The following NTRK2 variants were observed in gnomAD, a reference collection of about 807,000 sequenced individuals.
The protein encoded by NTRK2 is neurotrophic receptor tyrosine kinase 2, also known as BDNF/NT-3 growth factors receptor.
In NTRK2, 13 loss-of-function variants were observed where a neutral mutation model predicts 94.5. The ratio of observed to expected loss-of-function variants is 0.14; its 90% CI spans 0.09 to 0.22. The LOEUF is 0.22. Ranked by LOEUF, NTRK2 falls within the 10% of genes least tolerant of loss-of-function variation. The probability of loss-of-function intolerance (pLI) is 1.00; values close to 1 mark genes in which losing one functional copy is unlikely to be tolerated. For missense variants in NTRK2, 639 were observed against 1,071.2 expected, an observed-to-expected ratio of 0.60 and a Z score of 5.63; for synonymous variants, 372 against 407.4, an observed-to-expected ratio of 0.91 and a Z score of 1.05.
Position 84,948,456 on chromosome 9 carries a change from C to A in NTRK2, c.1765-6C>A. On this transcript the variant is annotated splice_region_variant and splice_polypyrimidine_tract_variant and intron_variant, in intron 15 of 18. Transcript: ENST00000277120. ...GTAATCCTTCTCTTTTAACACCCAT[C>A]CCCAGACCCTGAAGGATGCCAGTGA... 6.2e-7 allele frequency: 1 copy of A among 1,614,038 alleles called. No homozygotes were observed. Among genetic ancestry groups the A allele is most frequent in the Non-Finnish European group, 8.5e-7 (1 of 1,179,930 alleles).
intron 17 of NTRK2, among the ~76,000 whole-genome samples, chr9:84,977,919 T>A (rs1827095519): frequency 6.6e-6 from 1 of 152,170 alleles, no homozygotes; most frequent in African/African-American, 2.4e-5. Context: ...ATTCAGTGGT[T>A]TTTAATGTTA....
At chr9:84,898,932 C>A (rs1292648029) in intron 14 of NTRK2, among the ~76,000 whole-genome samples, 1 of 152,092 alleles carries the variant, frequency 6.6e-6, no homozygotes, top group Non-Finnish European at 1.5e-5. Flanking sequence ...GAACTCCTGA[C>A]CTTAGGTGAT....
At chr9:84,763,813 C>T (rs771345676) in intron 12 of NTRK2, among the ~76,000 whole-genome samples, 1 of 151,826 alleles carries the variant, frequency 6.6e-6, no homozygotes, top group Non-Finnish European at 1.5e-5. Context: ...AAGATCAATT[C>T]AAAGTTCATG....
intron 15 of NTRK2, among the ~76,000 whole-genome samples, chr9:84,946,339 G>T (rs922000359): frequency 6.6e-6 from 1 of 152,138 alleles, no homozygotes; most frequent in Non-Finnish European, 1.5e-5. Context: ...TTTAGTTCTC[G>T]TGGCCTTCAT....
intron 17 of NTRK2, among the ~76,000 whole-genome samples, chr9:84,958,181 G>A (rs1041888935): frequency 6.6e-6 from 1 of 151,088 alleles, no homozygotes; most frequent in Non-Finnish European, 1.5e-5. Context: ...GGTGGCAATT[G>A]TACAACATTA....
chr9:84,972,265 G>A (rs1237374315), intron 17 of NTRK2, among the ~76,000 whole-genome samples: 2 of 152,172 alleles, frequency 1.3e-5, no homozygotes, highest in South Asian at 2.1e-4. Context: ...GATTTGGCAC[G>A]ATGTAAAGAG....
chr9:85,011,226 A>T (rs1220020243), intron 17 of NTRK2, among the ~76,000 whole-genome samples: 1 of 152,056 alleles, frequency 6.6e-6, no homozygotes, highest in East Asian at 1.9e-4. Flanking sequence ...TTGGGTCTTC[A>T]CTTGGGAATA....
At chr9:84,791,856 T>G (rs962788461) in intron 12 of NTRK2, among the ~76,000 whole-genome samples, 3 of 152,310 alleles carry the variant, frequency 2.0e-5, no homozygotes, top group Admixed American at 2.0e-4. Context: ...AGACTTTTTT[T>G]TAACAGACGA....
intron 12 of NTRK2, among the ~76,000 whole-genome samples, chr9:84,796,836 A>G (rs1009720517): frequency 1.3e-5 from 2 of 152,180 alleles, no homozygotes; most frequent in African/African-American, 2.4e-5. Flanking sequence ...GAATCTCATG[A>G]AAACAATTGA....
At chr9:84,995,114 T>C (rs1829581934) in intron 17 of NTRK2, among the ~76,000 whole-genome samples, 1 of 152,144 alleles carries the variant, frequency 6.6e-6, no homozygotes, top group African/African-American at 2.4e-5. Flanking sequence ...GAAAAGTAAA[T>C]GTTCTCCCCT....
At chr9:84,750,139 G>A (rs1406715960) in intron 11 of NTRK2, among the ~76,000 whole-genome samples, 4 of 152,092 alleles carry the variant, frequency 2.6e-5, no homozygotes, top group African/African-American at 9.7e-5. Flanking sequence ...CCTTTGTTTG[G>A]GGGGCTGTCT....
intron 14 of NTRK2, among the ~76,000 whole-genome samples, chr9:84,894,284 C>A (rs191848474): frequency 6.6e-6 from 1 of 152,108 alleles, no homozygotes. Flanking sequence ...GCATCTCACA[C>A]GTGTAGTTTA....
intron 17 of NTRK2, among the ~76,000 whole-genome samples, chr9:84,973,389 A>G (rs1387532672): frequency 3.9e-5 from 6 of 152,182 alleles, no homozygotes; most frequent in Admixed American, 6.5e-5. Flanking sequence ...AGTCTTCCCT[A>G]GTTTTTCATT....
chr9:84,842,704 G>T (rs1468199587), intron 12 of NTRK2, among the ~76,000 whole-genome samples: 1 of 152,172 alleles, frequency 6.6e-6, no homozygotes, highest in Non-Finnish European at 1.5e-5. Context: ...CTCATCCACA[G>T]TCTGGCACCA....
intron 12 of NTRK2, among the ~76,000 whole-genome samples, chr9:84,797,743 A>AATAAT (rs2069683381): frequency 9.5e-5 from 1 of 10,578 alleles, no homozygotes; most frequent in Non-Finnish European, 2.5e-4. Flanking sequence ...TATATACTAT[A>AATAAT]ATATATATTA....
At chr9:84,738,663 A>G (rs2063420364) in intron 9 of NTRK2, among the ~76,000 whole-genome samples, 1 of 152,210 alleles carries the variant, frequency 6.6e-6, no homozygotes, top group Non-Finnish European at 1.5e-5. Context: ...CACTTTTCAT[A>G]AACATTAGGT....
Position 84,842,536 on chromosome 9 carries a change from G to A in NTRK2, c.1397-18504G>A, listed in dbSNP as rs147672706. 2.8e-3 allele frequency among the ~76,000 whole-genome samples: 422 copies of A among 152,176 alleles called. 1 individual carries two copies. The highest frequency in any genetic ancestry group is 9.7e-3 in the African/African-American group (404 of 41,508). Reference sequence around the variant, plus strand: ...GCTCCAGGGTTGGGACTCTGGCCGTGGCTCTGCCTCTCCTCGTTTTCCACC... The same window carrying A: ...GCTCCAGGGTTGGGACTCTGGCCGTAGCTCTGCCTCTCCTCGTTTTCCACC... On this transcript the variant is annotated intron_variant, in intron 12 of 18. Coordinates refer to ENST00000277120, the MANE Select transcript of NTRK2 (RefSeq NM_006180.6).
At chr9:84,915,486 C>T (rs2077368623) in intron 14 of NTRK2, among the ~76,000 whole-genome samples, 1 of 152,156 alleles carries the variant, frequency 6.6e-6, no homozygotes, top group Non-Finnish European at 1.5e-5. Context: ...TCTTTCTAGC[C>T]ACGTGTTCTC....
intron 14 of NTRK2, among the ~76,000 whole-genome samples, chr9:84,870,331 G>GTGTGTGTGTATATATATATATATATA (rs1349303529): frequency 3.2e-5 from 1 of 31,176 alleles, no homozygotes; most frequent in Non-Finnish European, 6.8e-5. Context: ...GTGTGTGTGT[G>GTGTGTGTGTATATATATATATATATA]TATATATATA....
Sources: gnomAD v4.1 joint callset for allele counts (sites outside exome capture counted in the v4.1 genomes callset) on GRCh38, gnomAD v4.1.1 for gene constraint, MANE v1.5 for transcripts, NCBI Gene and HGNC (gene_info 2026-07-23, HGNC 2026-07-21) for gene names.